The following AP5S1 variants were observed in gnomAD, a reference collection of about 807,000 sequenced individuals.
AP5S1 encodes AP-5 complex subunit sigma-1.
Under a neutral mutation model 13.9 loss-of-function variants are expected in AP5S1, and 13 were observed. The ratio of observed to expected loss-of-function variants is 0.94; its 90% confidence interval spans 0.61 to 1.49. The LOEUF (loss-of-function observed/expected upper bound fraction) is 1.49, where lower values mean the gene tolerates loss of function less well. AP5S1 is among the 40% of genes most tolerant of loss of function. The pLI is 0.00. For synonymous variants in AP5S1, 132 were observed against 121.8 expected (o/e 1.08, Z -0.55); for missense variants, 292 against 272.3 (o/e 1.07, Z -0.51).
At chr20:3,821,609 C>T (rs1247330810) in intron 1 of AP5S1, among the ~76,000 whole-genome samples, 1 of 152,114 alleles carries the variant, frequency 6.6e-6, no homozygotes, top group African/African-American at 2.4e-5. Context: ...TCAAGTGATC[C>T]GCCCACCTAG....
intron 2 of AP5S1, among the ~76,000 whole-genome samples, chr20:3,822,585 A>C (rs1049058770): frequency 4.6e-5 from 7 of 152,166 alleles, no homozygotes; most frequent in Non-Finnish European, 1.0e-4. Flanking sequence ...AATCCTCATA[A>C]TAGTCTTTTG....
chr20:3,822,333 T>A, intron 2 of AP5S1, 40 bp downstream of exon 2: 1 of 1,587,424 alleles, frequency 6.3e-7, no homozygotes, highest in Non-Finnish European at 8.6e-7. Context: ...ATTGAACACG[T>A]ACCTGATTGT....
chr20:3,827,460 A>G lies in AP5S1; in HGVS notation c.*3163A>G, dbSNP rs1269481774. On this transcript the variant is annotated 3_prime_UTR_variant, in exon 3 of 3. Transcript: ENST00000615891. ...CTATTTTTAGTAGAGACGGGGTTTC[A>G]CCGTGTTAGCCAGGTTGGTCTACAT... 1 of 152,080 alleles carries G rather than the reference A, an allele frequency of 6.6e-6. No individual in the cohort carries two copies. The highest frequency in any genetic ancestry group is 6.6e-5 in the Admixed American group (1 of 15,250). 9.4% of individuals were successfully genotyped at this position (152,080 alleles called of 1,614,324 possible). A position where few individuals can be genotyped will look rare whatever the true frequency, so the allele number is the denominator to read the frequency against.
At position 3,822,281 on chromosome 20, in the gene AP5S1, T is replaced by C. The variant is rs1447201976; in HGVS notation, c.164T>C (p.Leu55Ser). The change falls in exon 2 of 3, where the codon TTA becomes TCA. Residue 55 changes from leucine to serine, a missense_variant. By Grantham distance (145) the Leu-to-Ser change is moderately radical. Transcript: ENST00000615891. ...AGGCTTCTCCGGAAGGAACAGATTT[T>C]AGCTGTGGCCAGGTAACCACACAGC... ...RDRLLRKEQI[L>S]AVARQVESMC... 5.6e-6 allele frequency: 9 copies of C among 1,613,922 alleles called. No individual in the cohort carries two copies. In the South Asian group the frequency reaches 7.7e-5, roughly 14 times the overall value.
In AP5S1 at chr20:3,824,048, C is replaced by T; in HGVS notation, c.354C>T (p.Leu118=). 6.2e-7 allele frequency: 1 copy of T among 1,613,826 alleles called. No homozygotes were observed. Among genetic ancestry groups the T allele is most frequent in the South Asian group, 1.1e-5 (1 of 91,084 alleles). ...EPRTVVWLGV[L]SLGFALVLDA... is the part of the protein sequence containing the mutation. ...GGACGGTGGTGTGGCTGGGCGTGCT[C>T]TCGTTAGGCTTTGCCCTGGTGCTGG... Residue 118 remains leucine (L), a synonymous_variant, in exon 3 of 3, where the codon CTC becomes CTT. Coordinates refer to ENST00000615891, the MANE Select transcript of AP5S1 (RefSeq NM_018347.3).
Position 3,827,008 on chromosome 20 carries a change from A to G in AP5S1, c.*2711A>G, listed in dbSNP as rs2089628678. The G allele has an allele frequency of 6.6e-6, 1 of 152,296 alleles. No homozygotes were observed. The highest frequency in any genetic ancestry group is 2.4e-5 in the African/African-American group (1 of 41,482). 9.4% of individuals were successfully genotyped at this position (152,296 alleles called of 1,614,324 possible). On this transcript the variant is annotated 3_prime_UTR_variant, in exon 3 of 3. Coordinates refer to ENST00000615891, the MANE Select transcript of AP5S1 (RefSeq NM_018347.3). ...GTGACGAAGGCCAAGTGAAGGAGCC[A>G]GGATTTAGAACTAAAAGTGAGATGG...
rs2089616116 is a variant in AP5S1 at position 3,825,033 on chromosome 20, C to G, written c.*736C>G. On this transcript the variant is annotated 3_prime_UTR_variant, in exon 3 of 3. Transcript: ENST00000615891. ...CCTGCATGCTGGCAGGCCACAGCCC[C>G]TGGCTTTGTGCCCACTTAGGCAGTA... is the stretch of plus-strand genomic sequence containing the variant. 6.6e-6 allele frequency: 1 copy of G among 152,204 alleles called. No homozygotes were observed. Among genetic ancestry groups the G allele is most frequent in the Non-Finnish European group, 1.5e-5 (1 of 68,052 alleles). The allele number at this position is 152,204 out of a possible 1,614,324, so 9.4% of individuals were successfully genotyped here. A position where few individuals can be genotyped will look rare whatever the true frequency, so the allele number is the denominator to read the frequency against.
Position 3,822,087 on chromosome 20 carries a change from C to A in AP5S1, c.-16-15C>A. The A allele has an allele frequency of 3.7e-6, 6 of 1,606,678 alleles. No individual in the cohort carries two copies. Among genetic ancestry groups the A allele is most frequent in the Non-Finnish European group, 4.3e-6 (5 of 1,175,206 alleles). ...GTTCACTCTCACCTTACCAATGTCT[C>A]TGGCTTCCCTGTAGCACCCACCCTG... On this transcript the variant is annotated splice_polypyrimidine_tract_variant and intron_variant, in intron 1 of 2. Coordinates refer to ENST00000615891, the MANE Select transcript of AP5S1 (RefSeq NM_018347.3).
Position 3,822,256 on chromosome 20 carries a change from A to G in AP5S1, c.139A>G (p.Arg47Gly). 1 of 1,614,180 alleles carries G rather than the reference A, an allele frequency of 6.2e-7. No homozygotes were observed. Among genetic ancestry groups the G allele is most frequent in the Non-Finnish European group, 8.5e-7 (1 of 1,180,030 alleles). ...DPRPHGAERD[R>G]LLRKEQILAV... ...ACGGCCGCATGGTGCCGAGAGGGACAGGCTTCTCCGGAAGGAACAGATTTT... is the reference window on the plus strand; with the variant it reads ...ACGGCCGCATGGTGCCGAGAGGGACGGGCTTCTCCGGAAGGAACAGATTTT... Residue 47 changes from arginine to glycine, a missense_variant, in exon 2 of 3, where the codon AGG (arginine) becomes GGG (glycine). Arg to Gly is a moderately radical substitution (Grantham distance 125, BLOSUM62 -2). Coordinates refer to ENST00000615891, the MANE Select transcript of AP5S1 (RefSeq NM_018347.3).
chr20:3,821,957 G>T, intron 1 of AP5S1, 145 bp from the exon 2 acceptor site: 2 of 1,308,516 alleles, frequency 1.5e-6, no homozygotes, highest in Non-Finnish European at 9.8e-7. Flanking sequence ...GTTATGTGAT[G>T]TTGTTCAGAT....
At chr20:3,821,883 T>C (rs1377261096) in intron 1 of AP5S1, 28 of 962,656 alleles carry the variant, frequency 2.9e-5, no homozygotes, top group Non-Finnish European at 3.2e-5. Context: ...TTTTTCTTTT[T>C]TTTTTTTTTT....
intron 1 of AP5S1, among the ~76,000 whole-genome samples, chr20:3,821,419 C>CTGAA (rs1410884534): frequency 6.6e-6 from 1 of 152,110 alleles, no homozygotes; most frequent in Non-Finnish European, 1.5e-5. Flanking sequence ...GTCGCCCAGG[C>CTGAA]TGAAGTGCAG....
rs533288274 is a variant in AP5S1 at position 3,828,767 on chromosome 20, T to C, written c.*4470T>C. The C allele has an allele frequency of 6.6e-6, 1 of 152,384 alleles. No homozygotes were observed. Among genetic ancestry groups the C allele is most frequent in the East Asian group, 1.9e-4 (1 of 5,190 alleles). The allele number at this position is 152,384 out of a possible 1,614,324, so 9.4% of individuals were successfully genotyped here. ...TATTCCATTATGTGGATGTACATTA[T>C]CTGTTCACCTACTGAAGGACATCTT... On this transcript the variant is annotated 3_prime_UTR_variant, in exon 3 of 3. Coordinates refer to ENST00000615891, the MANE Select transcript of AP5S1 (RefSeq NM_018347.3).
At position 3,820,560 on chromosome 20, in the gene AP5S1, C is replaced by T. The variant is rs1356667775; in HGVS notation, c.-215C>T. ...CCCACGGGCCGCGCAGCCGCCATTG[C>T]TCTCCTGCCACGGAGGGGAGCGCTT... is the stretch of plus-strand genomic sequence containing the variant. On this transcript the variant is annotated 5_prime_UTR_variant, in exon 1 of 3. Coordinates refer to ENST00000615891, the MANE Select transcript of AP5S1 (RefSeq NM_018347.3). 6.6e-6 allele frequency: 1 copy of T among 152,192 alleles called. No individual in the cohort carries two copies. The highest frequency in any genetic ancestry group is 2.4e-5 in the African/African-American group (1 of 41,450). The allele number at this position is 152,192 out of a possible 1,614,324, so 9.4% of individuals were successfully genotyped here. A position where few individuals can be genotyped will look rare whatever the true frequency, so the allele number is the denominator to read the frequency against.
chr20:3,822,264 C>A lies in AP5S1; in HGVS notation c.147C>A (p.Leu49=). Residue 49 remains leucine, a synonymous_variant, in exon 2 of 3, where the codon CTC becomes CTA. Coordinates refer to ENST00000615891, the MANE Select transcript of AP5S1 (RefSeq NM_018347.3). The part of the protein sequence containing the change: ...RPHGAERDRL[L]RKEQILAVAR... ...ATGGTGCCGAGAGGGACAGGCTTCT[C>A]CGGAAGGAACAGATTTTAGCTGTGG... The A allele has an allele frequency of 6.2e-7, 1 of 1,614,138 alleles. No individual in the cohort carries two copies. The highest frequency in any genetic ancestry group is 1.1e-5 in the South Asian group (1 of 91,086).
At chr20:3,822,975 A>G (rs1236554333) in intron 2 of AP5S1, among the ~76,000 whole-genome samples, 1 of 152,154 alleles carries the variant, frequency 6.6e-6, no homozygotes, top group African/African-American at 2.4e-5. Flanking sequence ...TGGGTGGGGT[A>G]GCACCACTCT....
At position 3,828,607 on chromosome 20, in the gene AP5S1, G is replaced by A. The variant is rs1424862599; in HGVS notation, c.*4310G>A. 6.6e-6 allele frequency: 1 copy of A among 152,158 alleles called. No individual in the cohort carries two copies. The highest frequency in any genetic ancestry group is 1.5e-5 in the Non-Finnish European group (1 of 68,028). 9.4% of individuals were successfully genotyped at this position (152,158 alleles called of 1,614,324 possible). On this transcript the variant is annotated 3_prime_UTR_variant, in exon 3 of 3. Transcript: ENST00000615891. The stretch of plus-strand genomic sequence containing the variant: ...TTTGCCTTTTCCAGAATGTTGTGTA[G>A]TTAGATTCATACTGTATATGTAGCC...
intron 1 of AP5S1, among the ~76,000 whole-genome samples, chr20:3,821,489 A>C (rs529742453): frequency 4.6e-4 from 70 of 151,962 alleles, no homozygotes; most frequent in African/African-American, 1.7e-3. Flanking sequence ...CTGTGGCTTC[A>C]GCCTCTCAAG....
intron 2 of AP5S1, among the ~76,000 whole-genome samples, chr20:3,823,305 G>C (rs1310387939): frequency 6.6e-6 from 1 of 152,106 alleles, no homozygotes; most frequent in Non-Finnish European, 1.5e-5. Flanking sequence ...CTGGAGTGCA[G>C]TGGCGCAATC....
Sources: gnomAD v4.1 joint callset for allele counts (sites outside exome capture counted in the v4.1 genomes callset) on GRCh38, gnomAD v4.1.1 for gene constraint, MANE v1.5 for transcripts, NCBI Gene and HGNC (gene_info 2026-07-23, HGNC 2026-07-21) for gene names.